GBE1: variants seen among roughly 807,000 people sequenced by gnomAD.
GBE1 encodes 1,4-alpha-glucan-branching enzyme.
A neutral mutation model predicts 88.8 loss-of-function variants in GBE1; 70 were observed. That is an observed-to-expected ratio of 0.79 (90% CI 0.65 to 0.96). GBE1 has a LOEUF of 0.96. Among genes scored for constraint, GBE1 ranks in the 40% least tolerant of loss-of-function variants. The pLI is 0.00. For missense variants in GBE1, 872 were observed against 871.0 expected, an observed-to-expected ratio of 1.00 and a Z score of -0.01; for synonymous variants, 284 against 300.1, an observed-to-expected ratio of 0.95 and a Z score of 0.56.
At chr3:81,557,116 A>C (rs1463752551) in intron 12 of GBE1, among the ~76,000 whole-genome samples, 1 of 152,138 alleles carries the variant, frequency 6.6e-6, no homozygotes, top group Non-Finnish European at 1.5e-5. Flanking sequence ...CAGGAAGCAA[A>C]GCAGCCAGGA....
At chr3:81,686,802 G>A (rs774960218) in intron 2 of GBE1, among the ~76,000 whole-genome samples, 5 of 151,930 alleles carry the variant, frequency 3.3e-5, no homozygotes, top group Admixed American at 2.6e-4. Context: ...TAAAACATAC[G>A]CAAACCACAT....
chr3:81,712,876 C>T (rs1408666068), intron 1 of GBE1, among the ~76,000 whole-genome samples: 1 of 152,078 alleles, frequency 6.6e-6, no homozygotes, highest in African/African-American at 2.4e-5. Context: ...CTCACAGAAA[C>T]TTTCTTTCTT....
intron 7 of GBE1, among the ~76,000 whole-genome samples, chr3:81,595,176 G>A (rs1703940518): frequency 6.6e-6 from 1 of 150,670 alleles, no homozygotes; most frequent in Admixed American, 6.6e-5. Context: ...AGATATAAAA[G>A]GGAGACAGGA....
chr3:81,731,198 T>C (rs1043304678), intron 1 of GBE1, among the ~76,000 whole-genome samples: 10 of 152,100 alleles, frequency 6.6e-5, no homozygotes, highest in African/African-American at 2.4e-4. Flanking sequence ...GGTTTGGCCA[T>C]TTGAAAGGTC....
At chr3:81,498,554 T>G (rs942133176) in intron 15 of GBE1, among the ~76,000 whole-genome samples, 6 of 152,136 alleles carry the variant, frequency 3.9e-5, no homozygotes, top group Non-Finnish European at 5.9e-5. Flanking sequence ...AACACCACAA[T>G]GCAAAAATTA....
At chr3:81,604,584 T>A (rs1704079749) in intron 7 of GBE1, among the ~76,000 whole-genome samples, 1 of 152,078 alleles carries the variant, frequency 6.6e-6, no homozygotes, top group African/African-American at 2.4e-5. Flanking sequence ...AATACAACAT[T>A]AACTCTGAAG....
At chr3:81,518,388 T>C (rs1414354201) in intron 14 of GBE1, among the ~76,000 whole-genome samples, 2 of 151,392 alleles carry the variant, frequency 1.3e-5, no homozygotes, top group African/African-American at 2.4e-5. Flanking sequence ...ACTAAATACA[T>C]TCGTGTGCAG....
intron 10 of GBE1, among the ~76,000 whole-genome samples, chr3:81,581,751 T>C (rs138566941): frequency 1.8e-3 from 275 of 152,234 alleles, no homozygotes; most frequent in African/African-American, 6.0e-3. Context: ...TTAAAGTTAA[T>C]TATCATCAAA....
chr3:81,660,307 C>T (rs1705006386), intron 3 of GBE1, among the ~76,000 whole-genome samples: 1 of 152,124 alleles, frequency 6.6e-6, no homozygotes, highest in Non-Finnish European at 1.5e-5. Flanking sequence ...TAATAGGATT[C>T]TACACAATGA....
rs576158531 is a variant in GBE1 at position 81,498,178 on chromosome 3, C to A, written c.2052+932G>T. On this transcript the variant is annotated intron_variant, in intron 15 of 15. Coordinates refer to ENST00000429644, the MANE Select transcript of GBE1 (RefSeq NM_000158.4). ...AATGATTTTATGCTATGATCTTTGG[C>A]ATATCACTTTTATATATAATATGGC... 2.0e-5 allele frequency among the ~76,000 whole-genome samples: 3 copies of A among 152,228 alleles called. No individual in the cohort carries two copies. In the South Asian group the frequency reaches 6.2e-4, roughly 32 times the overall value.
chr3:81,576,783 T>A (rs1703652907), intron 12 of GBE1, among the ~76,000 whole-genome samples: 1 of 150,536 alleles, frequency 6.6e-6, no homozygotes, highest in African/African-American at 2.5e-5. Flanking sequence ...ACCCTGAGAA[T>A]AGAGGATACA....
chr3:81,606,415 T>G (rs1333827635), intron 7 of GBE1, among the ~76,000 whole-genome samples: 1 of 152,236 alleles, frequency 6.6e-6, no homozygotes, highest in East Asian at 1.9e-4. Context: ...AGACTGAGAA[T>G]AATGATTTAT....
intron 7 of GBE1, among the ~76,000 whole-genome samples, chr3:81,606,521 C>A (rs912697170): frequency 1.3e-5 from 2 of 152,256 alleles, no homozygotes; most frequent in Non-Finnish European, 2.9e-5. Flanking sequence ...GTCCTGGTTA[C>A]AGGTCCAGTA....
intron 1 of GBE1, among the ~76,000 whole-genome samples, chr3:81,721,117 G>A (rs568541410): frequency 4.8e-5 from 5 of 104,758 alleles, no homozygotes; most frequent in African/African-American, 2.1e-4. Flanking sequence ...CACATTAGTG[G>A]GTGCAGCGCA....
intron 7 of GBE1, among the ~76,000 whole-genome samples, chr3:81,614,462 C>T (rs1433051046): frequency 1.3e-5 from 2 of 152,296 alleles, no homozygotes; most frequent in East Asian, 3.9e-4. Flanking sequence ...TGAGGCCAGA[C>T]ATGGTGGCTC....
chr3:81,511,748 G>T (rs568926740), intron 14 of GBE1, among the ~76,000 whole-genome samples: 59 of 151,876 alleles, frequency 3.9e-4, no homozygotes, highest in African/African-American at 1.3e-3. Context: ...AAGTAAATTA[G>T]TTCAGCTCCC....
At chr3:81,678,797 C>T (rs1451808062) in intron 2 of GBE1, among the ~76,000 whole-genome samples, 6 of 151,824 alleles carry the variant, frequency 4.0e-5, no homozygotes, top group Non-Finnish European at 8.8e-5. Context: ...ATAAGAAAAG[C>T]CCTTAAAATA....
chr3:81,538,313 T>A (rs1386488882), intron 12 of GBE1, among the ~76,000 whole-genome samples: 1 of 152,022 alleles, frequency 6.6e-6, no homozygotes, highest in Non-Finnish European at 1.5e-5. Flanking sequence ...TAGTGAACTT[T>A]ATGCTAAGAA....
chr3:81,504,841 G>A lies in GBE1; in HGVS notation c.1935-5614C>T, dbSNP rs192261575. 2.2e-3 allele frequency among the ~76,000 whole-genome samples: 336 copies of A among 152,270 alleles called. 1 individual carries two copies. Among genetic ancestry groups the A allele is most frequent in the South Asian group, 5.6e-3 (27 of 4,824 alleles). ...TGTCTGTTCAAAGTATAAGGATTTT[G>A]ATGTAAGAAGTACTATCATTTATAT... On this transcript the variant is annotated intron_variant, in intron 14 of 15. Transcript: ENST00000429644.
Sources: allele counts gnomAD v4.1 joint callset (sites outside exome capture counted in the v4.1 genomes callset), GRCh38; gene constraint gnomAD v4.1.1; transcripts MANE v1.5; gene names NCBI Gene and HGNC (gene_info 2026-07-23, HGNC 2026-07-21).